TTLL8: variants seen among roughly 807,000 people sequenced by gnomAD.
TTLL8 encodes tubulin tyrosine ligase like 8, also known as protein monoglycylase TTLL8.
In TTLL8, 65 loss-of-function variants were observed where a neutral mutation model predicts 77.8. That is an observed-to-expected ratio of 0.84 (90% confidence interval 0.68 to 1.03). The LOEUF (loss-of-function observed/expected upper bound fraction) is 1.03, where lower values mean the gene tolerates loss of function less well. Among genes scored for constraint, TTLL8 ranks in the 50% least tolerant of loss-of-function variants. TTLL8 has a pLI of 0.00. For missense variants in TTLL8, 910 were observed against 1,004.5 expected (o/e 0.91, Z 1.27); for synonymous variants, 402 against 422.8 (o/e 0.95, Z 0.60).
At chr22:50,058,044 G>C (rs1320389441), upstream of TTLL8, among the ~76,000 whole-genome samples, 1 of 151,560 alleles carries the variant, frequency 6.6e-6, no homozygotes, top group Non-Finnish European at 1.5e-5. This position sits in a 1 kb window ranked among gnomAD's most constrained non-coding sequence, Gnocchi z 4.2. Flanking sequence ...CTGGGTTTCC[G>C]GGTGTGGGAG....
intron 6 of TTLL8, among the ~76,000 whole-genome samples, chr22:50,042,994 C>G (rs1288988235): frequency 6.6e-6 from 1 of 152,208 alleles, no homozygotes; most frequent in East Asian, 1.9e-4. Context: ...TGGTATTTAC[C>G]CAGATGAATT....
At chr22:50,029,710 A>G (rs1304890599) in intron 12 of TTLL8, among the ~76,000 whole-genome samples, 7 of 152,044 alleles carry the variant, frequency 4.6e-5, no homozygotes, top group South Asian at 4.1e-4. Flanking sequence ...CAGCCTCAGC[A>G]ACAGAGCAAG....
At chr22:50,043,268 T>C (rs1309011240) in intron 6 of TTLL8, among the ~76,000 whole-genome samples, 1 of 150,810 alleles carries the variant, frequency 6.6e-6, no homozygotes, top group African/African-American at 2.4e-5. Flanking sequence ...TGCCGAGACG[T>C]CCTTCGGTAG....
At chr22:50,048,372 G>A (rs1002343795) in intron 3 of TTLL8, among the ~76,000 whole-genome samples, 3 of 152,110 alleles carry the variant, frequency 2.0e-5, no homozygotes, top group African/African-American at 7.2e-5. Flanking sequence ...ATGAGCCTGA[G>A]CCCCTTATGA....
At chr22:50,057,410 CGGGAGGTCTGGG>C (rs1569237029), upstream of TTLL8, among the ~76,000 whole-genome samples, 6 of 3,522 alleles carry the variant, frequency 1.7e-3, no homozygotes, top group Admixed American at 3.4e-3. Flanking sequence ...CTGGGTTGGG[CGGGAGGTCTGGG>C]TTGGGGGTCA....
chr22:50,023,933 T>C (rs2061218243), intron 12 of TTLL8, among the ~76,000 whole-genome samples: 1 of 151,784 alleles, frequency 6.6e-6, no homozygotes, highest in Non-Finnish European at 1.5e-5. Flanking sequence ...GGCAGGAGAA[T>C]CACTTGAACT....
chr22:50,030,727 G>A, exon 12 of TTLL8: 1 of 1,315,796 alleles, frequency 7.6e-7, no homozygotes, highest in South Asian at 1.2e-5. Context: ...CCCAAGTCCC[G>A]CTGGAGAGCT....
intron 6 of TTLL8, among the ~76,000 whole-genome samples, chr22:50,042,324 T>G (rs1408312130): frequency 2.0e-5 from 3 of 152,228 alleles, no homozygotes. Flanking sequence ...TTTTTTATTT[T>G]TATTGTTTTA....
rs761889752 is a variant in TTLL8, at chr22:50,050,188, C to A, written c.111G>T (p.Arg37Ser). The change falls in exon 2 of 14, where the codon AGG becomes AGT. Residue 37 changes from arginine to serine, a missense_variant. Physicochemically the swap from Arg to Ser is moderately radical, Grantham distance 110. This residue lies in a region of TTLL8 where 776 missense variants were observed against 926.1 expected (regional missense o/e 0.84). Transcript: ENST00000266182. ...GGAACTTCTTCTCTACCCAGCCCTTCCTTCGCAGAGCGGCCCGGACCACCG... is the reference window on the plus strand; with the variant it reads ...GGAACTTCTTCTCTACCCAGCCCTTACTTCGCAGAGCGGCCCGGACCACCG... 8.1e-6 allele frequency: 11 copies of A among 1,364,412 alleles called. No individual in the cohort carries two copies. In the Admixed American group the frequency reaches 2.1e-4, roughly 26 times the overall value. 84.5% of individuals were successfully genotyped at this position (1,364,412 alleles called of 1,614,324 possible). A position where few individuals can be genotyped will look rare whatever the true frequency, so the allele number is the denominator to read the frequency against.
intron 10 of TTLL8, 189 bp downstream of exon 11, chr22:50,033,013 T>G (rs742180): frequency 0.45 from 197,492 of 441,372 alleles, 45,872 homozygotes; most frequent in Non-Finnish European, 0.49. Flanking sequence ...TGAAGGCCGG[T>G]GGGCCTGGGC....
At chr22:50,047,115 T>C in intron 4 of TTLL8, 53 bp downstream of exon 6, 1 of 1,357,188 alleles carries the variant, frequency 7.4e-7, no homozygotes, top group Non-Finnish European at 9.8e-7. Context: ...CTGCAGAAGC[T>C]CCTCCCCACC....
At chr22:50,055,278 C>G, upstream of TTLL8, 2 of 1,290,056 alleles carry the variant, frequency 1.6e-6, no homozygotes, top group Non-Finnish European at 2.0e-6. Context: ...TTGTATCTGT[C>G]TAATCTGGAG....
chr22:50,026,111 C>A (rs1348155049), intron 12 of TTLL8, among the ~76,000 whole-genome samples: 1 of 152,226 alleles, frequency 6.6e-6, no homozygotes, highest in African/African-American at 2.4e-5. Context: ...CACAGTCCTA[C>A]AGTGGAAGCA....
At chr22:50,036,910 C>A (rs968023309) in intron 8 of TTLL8, among the ~76,000 whole-genome samples, 2 of 151,970 alleles carry the variant, frequency 1.3e-5, no homozygotes, top group African/African-American at 4.8e-5. Flanking sequence ...TGTCTGGCTT[C>A]CTTCGACCTG....
chr22:50,030,761 G>T, exon 12 of TTLL8: 1 of 1,342,028 alleles, frequency 7.5e-7, no homozygotes, highest in Non-Finnish European at 9.9e-7. Flanking sequence ...CCTGGGCAGG[G>T]TCTGGCATGG....
intron 1 of TTLL8, among the ~76,000 whole-genome samples, chr22:50,052,630 T>C (rs1318062380): frequency 6.6e-6 from 1 of 152,046 alleles, no homozygotes; most frequent in Non-Finnish European, 1.5e-5. Flanking sequence ...AAGGAAAAGA[T>C]AGAAATATGA....
intron 10 of TTLL8, 125 bp downstream of exon 11, chr22:50,033,077 C>T (rs2061309118): frequency 1.7e-6 from 2 of 1,174,692 alleles, no homozygotes; most frequent in Non-Finnish European, 1.1e-6. Context: ...CCATCTGTGC[C>T]TCTCGTGGTG....
At chr22:50,048,978 G>A (rs1251773624) in intron 3 of TTLL8, among the ~76,000 whole-genome samples, 2 of 152,232 alleles carry the variant, frequency 1.3e-5, no homozygotes, top group Admixed American at 6.5e-5. Flanking sequence ...TTCCACATGC[G>A]CACAGCAGGC....
chr22:50,041,770 C>A lies in TTLL8; in HGVS notation c.681G>T (p.Pro227=). 1 of 1,364,076 alleles carries A rather than the reference C, an allele frequency of 7.3e-7. No individual in the cohort carries two copies. The highest frequency in any genetic ancestry group is 4.6e-5 in the East Asian group (1 of 21,912). The allele number at this position is 1,364,076 out of a possible 1,614,324, so 84.5% of individuals were successfully genotyped here. ...TGCACGCGATGTCCACAAGCTGCCCCGGGAGGCCCCTGAGCTTTGCCTCAG... is the reference window on the plus strand; with the variant it reads ...TGCACGCGATGTCCACAAGCTGCCCAGGGAGGCCCCTGAGCTTTGCCTCAG... Residue 227 remains proline (P), a synonymous_variant, in exon 7 of 14, where the codon CCG becomes CCT. Transcript: ENST00000266182. This position sits in a 1 kb window ranked among gnomAD's most constrained non-coding sequence, Gnocchi z 4.3.
Sources: gnomAD v4.1 joint callset for allele counts (sites outside exome capture counted in the v4.1 genomes callset) on GRCh38, gnomAD v4.1.1 for gene constraint, gnomAD v4.1.1 regional missense constraint, Gnocchi (gnomAD v3.1) non-coding constraint, MANE v1.5 for transcripts, NCBI Gene and HGNC (gene_info 2026-07-23, HGNC 2026-07-21) for gene names.